EIF3H: variants seen among roughly 807,000 people sequenced by gnomAD.
The protein encoded by EIF3H is eIF-3-gamma.
In EIF3H, 26 loss-of-function variants were observed where a neutral mutation model predicts 44.2. The ratio of observed to expected loss-of-function variants is 0.59; its 90% CI spans 0.43 to 0.82. The LOEUF (loss-of-function observed/expected upper bound fraction) is 0.82, where lower values mean the gene tolerates loss of function less well. EIF3H is among the 40% of genes least tolerant of loss of function. The pLI is 0.00. For synonymous variants in EIF3H, 166 were observed against 151.9 expected (o/e 1.09, Z -0.68); for missense variants, 359 against 432.8 (o/e 0.83, Z 1.51).
intron 1 of EIF3H, among the ~76,000 whole-genome samples, chr8:116,727,163 C>G (rs1285003330): frequency 2.0e-5 from 3 of 152,212 alleles, no homozygotes; most frequent in Admixed American, 2.0e-4. Flanking sequence ...GCAGCTACTT[C>G]TGTGTGCAGC....
intron 2 of EIF3H, chr8:116,697,340 C>T: frequency 2.6e-6 from 1 of 379,882 alleles, no homozygotes; most frequent in Non-Finnish European, 5.2e-6. Context: ...ATATGGGATA[C>T]TGAAGAACTA....
At chr8:116,648,663 A>G (rs1428438892) in intron 6 of EIF3H, 143 bp downstream of exon 6, 1 of 1,053,064 alleles carries the variant, frequency 9.5e-7, no homozygotes, top group African/African-American at 1.7e-5. Flanking sequence ...CATGCCATAA[A>G]AATAATAATC....
intron 2 of EIF3H, among the ~76,000 whole-genome samples, chr8:116,662,190 C>T (rs1255639772): frequency 6.6e-6 from 1 of 152,102 alleles, no homozygotes; most frequent in Non-Finnish European, 1.5e-5. Context: ...ATGTGTTGGG[C>T]CTAATCTATG....
intron 2 of EIF3H, among the ~76,000 whole-genome samples, chr8:116,675,450 C>T (rs1012432502): frequency 2.6e-5 from 4 of 152,192 alleles, no homozygotes; most frequent in African/African-American, 7.2e-5. Flanking sequence ...ATTCACAGTG[C>T]CCCGGCCTCT....
chr8:116,738,695 A>G (rs547670409), intron 1 of EIF3H, among the ~76,000 whole-genome samples: 1 of 152,374 alleles, frequency 6.6e-6, no homozygotes, highest in South Asian at 2.1e-4. Flanking sequence ...AAGCCCTGCT[A>G]AAATAATTAG....
At chr8:116,656,280 T>C (rs1404782889) in intron 4 of EIF3H, among the ~76,000 whole-genome samples, 1 of 152,202 alleles carries the variant, frequency 6.6e-6, no homozygotes, top group Non-Finnish European at 1.5e-5. Flanking sequence ...CAGGTATCTT[T>C]AAAATTTCAC....
intron 2 of EIF3H, among the ~76,000 whole-genome samples, chr8:116,724,679 A>G (rs1310787119): frequency 6.6e-6 from 1 of 152,236 alleles, no homozygotes; most frequent in Non-Finnish European, 1.5e-5. Context: ...CAACAAGCAT[A>G]TGAAAAGATG....
At chr8:116,710,243 C>A (rs1814551338) in intron 2 of EIF3H, among the ~76,000 whole-genome samples, 1 of 152,218 alleles carries the variant, frequency 6.6e-6, no homozygotes, top group African/African-American at 2.4e-5. Flanking sequence ...TCTAGAAAGT[C>A]TTCCTGTGTC....
chr8:116,664,129 G>A (rs1190293849), intron 2 of EIF3H, among the ~76,000 whole-genome samples: 1 of 152,130 alleles, frequency 6.6e-6, no homozygotes, highest in Non-Finnish European at 1.5e-5. Flanking sequence ...AGGAAAGCCT[G>A]CTTTACAACA....
intron 2 of EIF3H, among the ~76,000 whole-genome samples, chr8:116,664,351 C>T (rs971202705): frequency 6.6e-6 from 1 of 152,192 alleles, no homozygotes; most frequent in African/African-American, 2.4e-5. Flanking sequence ...AAATAATATG[C>T]TGTCTTACAT....
At chr8:116,648,097 C>A (rs1017233264) in intron 6 of EIF3H, among the ~76,000 whole-genome samples, 1 of 152,106 alleles carries the variant, frequency 6.6e-6, no homozygotes, top group African/African-American at 2.4e-5. Flanking sequence ...TTTAACAAAG[C>A]TCTGTTTAAA....
intron 3 of EIF3H, 49 bp downstream of exon 3, chr8:116,658,764 T>G: frequency 6.3e-7 from 1 of 1,574,830 alleles, no homozygotes; most frequent in Middle Eastern, 1.8e-4. Flanking sequence ...AAAGCAAAAA[T>G]AGTAGTAATA....
chr8:116,755,476 C>T (rs1016264487), intron 1 of EIF3H, among the ~76,000 whole-genome samples, 190 bp downstream of exon 1: 11 of 152,104 alleles, frequency 7.2e-5, no homozygotes, highest in African/African-American at 2.4e-4. Context: ...CCAACTGTCC[C>T]GTTAGAAGAC....
intron 2 of EIF3H, among the ~76,000 whole-genome samples, chr8:116,683,382 T>C (rs1005801797): frequency 6.6e-6 from 1 of 152,176 alleles, no homozygotes; most frequent in Non-Finnish European, 1.5e-5. Flanking sequence ...GCCGGCCATT[T>C]TCTCACTGTG....
rs201295134 is a variant in EIF3H at position 116,713,565 on chromosome 8, C to CT, written c.289+12450dup. 7.5e-3 allele frequency among the ~76,000 whole-genome samples: 1,135 copies of CT among 152,164 alleles called. 19 individuals carry two copies. Among genetic ancestry groups the CT allele is most frequent in the African/African-American group, 0.026 (1,093 of 41,544 alleles). On this transcript the variant is annotated intron_variant, in intron 2 of 7. Coordinates refer to ENST00000521861, the MANE Select transcript of EIF3H (RefSeq NM_003756.3). ...TATTTAAAATCTTGAGACACTCAAACTGAAAGAACCAAAAAGCCATGAAAA... is the reference window on the plus strand; with the variant it reads ...TATTTAAAATCTTGAGACACTCAAACTTGAAAGAACCAAAAAGCCATGAAAA...
At chr8:116,677,199 G>A (rs538830478) in intron 2 of EIF3H, among the ~76,000 whole-genome samples, 2 of 152,254 alleles carry the variant, frequency 1.3e-5, no homozygotes, top group African/African-American at 4.8e-5. Flanking sequence ...GTCTTTTGCA[G>A]AAAAATACTC....
intron 2 of EIF3H, among the ~76,000 whole-genome samples, chr8:116,666,277 T>TG (rs1813664092): frequency 6.6e-6 from 1 of 152,066 alleles, no homozygotes; most frequent in Non-Finnish European, 1.5e-5. Flanking sequence ...GGGAATAGGG[T>TG]GGGGGCAGGC....
intron 3 of EIF3H, among the ~76,000 whole-genome samples, chr8:116,658,075 T>A (rs1463852018): frequency 1.3e-5 from 2 of 152,266 alleles, no homozygotes. Flanking sequence ...GATGATGCAA[T>A]GTTTCCAGCC....
At chr8:116,722,278 T>C (rs191978112) in intron 2 of EIF3H, among the ~76,000 whole-genome samples, 139 of 152,318 alleles carry the variant, frequency 9.1e-4, no homozygotes, top group Non-Finnish European at 1.5e-3. Context: ...AAGTAAGACG[T>C]GCCTTTCACC....
Sources: allele counts gnomAD v4.1 joint callset (sites outside exome capture counted in the v4.1 genomes callset), GRCh38; gene constraint gnomAD v4.1.1; transcripts MANE v1.5; gene names NCBI Gene and HGNC (gene_info 2026-07-23, HGNC 2026-07-21).